The following TRIO variants were observed in gnomAD, a reference collection of about 807,000 sequenced individuals.
TRIO encodes the protein trio Rho guanine nucleotide exchange factor, also known as triple functional domain protein.
Under a neutral mutation model 351.9 loss-of-function variants are expected in TRIO, and 58 were observed. The observed-to-expected ratio is 0.16, with a 90% CI of 0.13 to 0.21. TRIO has a LOEUF of 0.21. TRIO is among the 10% of genes least tolerant of loss of function. The probability of loss-of-function intolerance (pLI) is 1.00; values close to 1 mark genes in which losing one functional copy is unlikely to be tolerated. For synonymous variants in TRIO, 1,758 were observed against 1,595.7 expected (o/e 1.10, Z -2.42); for missense variants, 3,201 against 4,027.8 (o/e 0.79, Z 5.56).
At chr5:14,379,055 A>G (rs1745830119) in intron 20 of TRIO, among the ~76,000 whole-genome samples, 1 of 152,086 alleles carries the variant, frequency 6.6e-6, no homozygotes, top group South Asian at 2.1e-4. Context: ...TTTTGCCTTA[A>G]TGGTTGCTTA....
chr5:14,253,220 A>C (rs1794841867), intron 1 of TRIO, among the ~76,000 whole-genome samples: 1 of 152,250 alleles, frequency 6.6e-6, no homozygotes, highest in African/African-American at 2.4e-5. Context: ...TCTTTTAAGA[A>C]ATACTTATTT....
chr5:14,359,301 A>G, intron 12 of TRIO, 56 bp from the exon 13 acceptor site: 1 of 1,575,234 alleles, frequency 6.3e-7, no homozygotes, highest in Non-Finnish European at 8.7e-7. Context: ...CGGATCTGGT[A>G]TCTAACAATG....
chr5:14,335,035 G>A (rs757196166), intron 10 of TRIO, among the ~76,000 whole-genome samples: 2 of 152,146 alleles, frequency 1.3e-5, no homozygotes, highest in Non-Finnish European at 2.9e-5. Flanking sequence ...GTGTGTGTGT[G>A]TGTGTGTACA....
rs576684212 is a variant in TRIO at position 14,432,252 on chromosome 5, C to T, written c.5203+12231C>T. On this transcript the variant is annotated intron_variant, in intron 34 of 56. Transcript: ENST00000344204. ...AGGGAAGCACAGAAAAATCACGTAA[C>T]CAAACATAGCAGGGGACGTAAAGTG... Among the ~76,000 whole-genome samples the T allele has an allele frequency of 5.3e-5, 8 of 150,406 alleles. No homozygotes were observed. In the South Asian group the frequency reaches 1.7e-3, roughly 32 times the overall value.
At chr5:14,346,409 C>G (rs1476338492) in intron 11 of TRIO, among the ~76,000 whole-genome samples, 1 of 152,198 alleles carries the variant, frequency 6.6e-6, no homozygotes, top group Admixed American at 6.5e-5. Flanking sequence ...AGCCTCTGTT[C>G]TAGGACAAAT....
At chr5:14,272,272 TA>T (rs1052566316) in intron 2 of TRIO, among the ~76,000 whole-genome samples, 1 of 152,350 alleles carries the variant, frequency 6.6e-6, no homozygotes, top group Admixed American at 6.5e-5. Context: ...ATCAGTTTTT[TA>T]TTTTTAAAGT....
chr5:14,498,135 A>G lies in TRIO; in HGVS notation c.8094A>G (p.Thr2698=). 6.2e-7 allele frequency: 1 copy of G among 1,614,180 alleles called. No individual in the cohort carries two copies. Among genetic ancestry groups the G allele is most frequent in the Non-Finnish European group, 8.5e-7 (1 of 1,180,016 alleles). Residue 2698 remains threonine, a synonymous_variant, in exon 52 of 57, where the codon ACA becomes ACG. Transcript: ENST00000344204. ...CATTGAGTGAGGTCACGTGTGAGAC[A>G]GGGGAGACCGTTGTTCTTAGATGTC... ...VIPLSEVTCE[T]GETVVLRCRV... is the part of the protein sequence containing the mutation.
chr5:14,486,980 A>G (rs1283899500), intron 47 of TRIO, among the ~76,000 whole-genome samples: 1 of 151,692 alleles, frequency 6.6e-6, no homozygotes, highest in Non-Finnish European at 1.5e-5. Context: ...ATGTAAGAAA[A>G]CTCAGGCACC....
At chr5:14,405,246 T>C (rs1057123143) in intron 31 of TRIO, among the ~76,000 whole-genome samples, 3 of 152,316 alleles carry the variant, frequency 2.0e-5, no homozygotes, top group Non-Finnish European at 2.9e-5. Context: ...TTGGTGAGCT[T>C]GGAACATTGG....
In TRIO at chr5:14,291,129, G is replaced by T; in HGVS notation, c.954G>T (p.Leu318=). 6.2e-7 allele frequency: 1 copy of T among 1,614,166 alleles called. No individual in the cohort carries two copies. Among genetic ancestry groups the T allele is most frequent in the South Asian group, 1.1e-5 (1 of 91,088 alleles). Residue 318 remains leucine, a synonymous_variant, in exon 5 of 57, where the codon CTG becomes CTT. Coordinates refer to ENST00000344204, the MANE Select transcript of TRIO (RefSeq NM_007118.4). ...AGGTGTCCACCATGCTGGACCGGCTGCACTCGACACGGCAGCATCTGCACC... is the reference window on the plus strand; with the variant it reads ...AGGTGTCCACCATGCTGGACCGGCTTCACTCGACACGGCAGCATCTGCACC... ...LPKVSTMLDR[L]HSTRQHLHQM... is the part of the protein sequence containing the mutation.
chr5:14,455,021 C>T (rs148391827), intron 34 of TRIO, among the ~76,000 whole-genome samples: 90 of 147,034 alleles, frequency 6.1e-4, no homozygotes, highest in Non-Finnish European at 1.2e-3. Flanking sequence ...TCATTCGTCC[C>T]GGTGGGTTCG....
intron 11 of TRIO, among the ~76,000 whole-genome samples, chr5:14,337,111 T>A (rs1741488487): frequency 6.6e-6 from 1 of 152,182 alleles, no homozygotes; most frequent in South Asian, 2.1e-4. Flanking sequence ...GAGACTTCTC[T>A]CAGATGCTAG....
At chr5:14,338,730 G>A (rs372877554) in intron 11 of TRIO, among the ~76,000 whole-genome samples, 44 of 152,282 alleles carry the variant, frequency 2.9e-4, no homozygotes, top group African/African-American at 1.0e-3. Flanking sequence ...CAGTTGCCCT[G>A]GATGCTGTAG....
intron 2 of TRIO, among the ~76,000 whole-genome samples, chr5:14,274,389 A>G (rs2152272052): frequency 6.6e-6 from 1 of 152,256 alleles, no homozygotes; most frequent in South Asian, 2.1e-4. Context: ...CCAAGCTTTG[A>G]TCTGGCAGGG....
chr5:14,450,878 CT>C (rs927538821), intron 34 of TRIO, among the ~76,000 whole-genome samples: 32 of 152,302 alleles, frequency 2.1e-4, no homozygotes, highest in African/African-American at 7.0e-4. Context: ...GTTTCAACCC[CT>C]GATGAATCTT....
chr5:14,154,455 T>C (rs1787993980), intron 1 of TRIO, among the ~76,000 whole-genome samples: 1 of 152,098 alleles, frequency 6.6e-6, no homozygotes, highest in African/African-American at 2.4e-5. Flanking sequence ...TAGCCACTCA[T>C]TTTTTTGCTG....
At chr5:14,143,999 G>C (rs1787334319) in intron 1 of TRIO, 117 bp downstream of exon 1, 4 of 771,162 alleles carry the variant, frequency 5.2e-6, no homozygotes, top group African/African-American at 1.9e-5. Context: ...CCGTCCGTCG[G>C]GGCCCGCAGG....
At chr5:14,341,627 A>G (rs780789981) in intron 11 of TRIO, among the ~76,000 whole-genome samples, 2 of 152,204 alleles carry the variant, frequency 1.3e-5, no homozygotes, top group African/African-American at 4.8e-5. Context: ...AAGCATAACT[A>G]TTTTCATTCA....
At chr5:14,363,595 A>G (rs1744341058) in intron 13 of TRIO, 137 bp from the exon 14 acceptor site, 1 of 695,694 alleles carries the variant, frequency 1.4e-6, no homozygotes, top group African/African-American at 1.8e-5. Flanking sequence ...TTTGTATACC[A>G]CCAAACTCAT....
Sources: gnomAD v4.1 joint callset for allele counts (sites outside exome capture counted in the v4.1 genomes callset) on GRCh38, gnomAD v4.1.1 for gene constraint, MANE v1.5 for transcripts, NCBI Gene and HGNC (gene_info 2026-07-23, HGNC 2026-07-21) for gene names.